The following LINGO1 variants were observed in gnomAD, a reference collection of about 807,000 sequenced individuals.
LINGO1 encodes the protein leucine-rich repeat and immunoglobulin-like domain-containing nogo receptor-interacting protein 1.
In LINGO1, 11 loss-of-function variants were observed where a neutral mutation model predicts 37.3. That is an observed-to-expected ratio of 0.29 (90% CI 0.19 to 0.49). The LOEUF is 0.49. LINGO1 is among the 20% of genes least tolerant of loss of function. LINGO1 has a pLI of 0.99. For synonymous variants in LINGO1, 387 were observed against 403.0 expected (o/e 0.96, Z 0.48); for missense variants, 585 against 878.2 (o/e 0.67, Z 4.22).
chr15:77,715,250 G>C (rs1046651167), intron 2 of LINGO1, among the ~76,000 whole-genome samples: 3 of 152,226 alleles, frequency 2.0e-5, no homozygotes, highest in South Asian at 4.1e-4. Flanking sequence ...AGCCCTATCA[G>C]CGTGGGCCCA....
At chr15:77,728,436 C>T (rs2076124094) in intron 2 of LINGO1, among the ~76,000 whole-genome samples, 2 of 152,204 alleles carry the variant, frequency 1.3e-5, no homozygotes, top group Admixed American at 1.3e-4. Flanking sequence ...GGAGTGGGTG[C>T]CACACACAGG....
intron 1 of LINGO1, among the ~76,000 whole-genome samples, chr15:77,764,187 G>A (rs1383028800): frequency 3.3e-5 from 5 of 152,192 alleles, no homozygotes. Context: ...CCCACCATAT[G>A]TGCACCTGGG....
chr15:77,615,998 C>T, intron 1 of LINGO1, 98 bp from the exon 2 acceptor site: 3 of 842,604 alleles, frequency 3.6e-6, no homozygotes, highest in Non-Finnish European at 5.2e-6. Context: ...TGCCCTGTCA[C>T]GATGACCCTG....
intron 3 of LINGO1, among the ~76,000 whole-genome samples, chr15:77,665,673 G>A (rs903977318): frequency 4.6e-5 from 7 of 152,236 alleles, no homozygotes; most frequent in South Asian, 2.1e-4. Context: ...AATTCCACCC[G>A]CCTGCAGACG....
At chr15:77,674,464 C>T (rs966242788) in intron 3 of LINGO1, among the ~76,000 whole-genome samples, 3 of 152,320 alleles carry the variant, frequency 2.0e-5, no homozygotes, top group East Asian at 3.9e-4. Context: ...GTCCTCCAGG[C>T]GGCCTGCAGG....
At chr15:77,785,458 GC>G (rs1171695847) in intron 1 of LINGO1, among the ~76,000 whole-genome samples, 1 of 152,110 alleles carries the variant, frequency 6.6e-6, no homozygotes, top group Non-Finnish European at 1.5e-5. Flanking sequence ...GCTAAATCCT[GC>G]CCCTCCCTGC....
intron 2 of LINGO1, among the ~76,000 whole-genome samples, chr15:77,720,393 C>T (rs1448606612): frequency 1.3e-5 from 2 of 152,252 alleles, no homozygotes; most frequent in African/African-American, 4.8e-5. Flanking sequence ...CATCCGCCCC[C>T]ACGTGTGTGA....
upstream of LINGO1, among the ~76,000 whole-genome samples, chr15:77,633,131 G>A (rs906934172): frequency 2.0e-5 from 3 of 151,818 alleles, no homozygotes; most frequent in African/African-American, 7.3e-5. Flanking sequence ...GGGTGCGCAG[G>A]CGAGGGGCGC....
chr15:77,782,216 C>T (rs1265929102), intron 1 of LINGO1, among the ~76,000 whole-genome samples: 4 of 19,722 alleles, frequency 2.0e-4, no homozygotes, highest in South Asian at 1.7e-3. Flanking sequence ...CACGCGTACA[C>T]ACACACACAC....
rs1340340900 is a variant in LINGO1 at position 77,619,500 on chromosome 15, C to T, written c.7-3600G>A. Among the ~76,000 whole-genome samples the T allele has an allele frequency of 3.2e-4, 48 of 151,996 alleles. 1 individual carries two copies. The highest frequency in any genetic ancestry group is 4.4e-5 in the Non-Finnish European group (3 of 68,010). On this transcript the variant is annotated intron_variant, in intron 1 of 1. Transcript: ENST00000355300. ...AGGAGCTCAAGACAAGGCTGGGCAA[C>T]ATAGTGAGATGCCCATCTCCCACAG...
At chr15:77,779,555 A>G (rs2076694472) in intron 1 of LINGO1, among the ~76,000 whole-genome samples, 1 of 152,038 alleles carries the variant, frequency 6.6e-6, no homozygotes, top group African/African-American at 2.4e-5. Flanking sequence ...GATTCTCCTA[A>G]GGAGAGTGCT....
At chr15:77,661,762 A>G (rs1257970767) in intron 3 of LINGO1, among the ~76,000 whole-genome samples, 3 of 152,158 alleles carry the variant, frequency 2.0e-5, no homozygotes, top group East Asian at 3.9e-4. Context: ...GCGGGGCCTG[A>G]GCAAACAGAG....
At chr15:77,740,739 C>T (rs1412812259) in intron 1 of LINGO1, among the ~76,000 whole-genome samples, 1 of 152,144 alleles carries the variant, frequency 6.6e-6, no homozygotes, top group Non-Finnish European at 1.5e-5. Context: ...GTGGGGAGTC[C>T]AGGGCAACAG....
intron 2 of LINGO1, among the ~76,000 whole-genome samples, chr15:77,720,383 C>T (rs2076036861): frequency 6.6e-6 from 1 of 152,260 alleles, no homozygotes; most frequent in South Asian, 2.1e-4. Flanking sequence ...CCTCTGCCTG[C>T]ATCCGCCCCC....
At chr15:77,770,001 C>A (rs1416922635) in intron 1 of LINGO1, among the ~76,000 whole-genome samples, 1 of 152,166 alleles carries the variant, frequency 6.6e-6, no homozygotes, top group Non-Finnish European at 1.5e-5. Flanking sequence ...GCCAAATATG[C>A]TGTCCTGGGG....
chr15:77,701,821 G>A (rs1200651802), intron 2 of LINGO1, among the ~76,000 whole-genome samples: 1 of 152,160 alleles, frequency 6.6e-6, no homozygotes, highest in Non-Finnish European at 1.5e-5. Context: ...CCAGCACCAT[G>A]CTTGTACGGC....
chr15:77,816,132 TC>T (rs2077046121), intron 1 of LINGO1, among the ~76,000 whole-genome samples: 1 of 152,044 alleles, frequency 6.6e-6, no homozygotes, highest in Non-Finnish European at 1.5e-5. Flanking sequence ...CCCTTGCCAC[TC>T]CCCCACTGAG....
At chr15:77,750,533 G>A (rs998260368) in intron 1 of LINGO1, among the ~76,000 whole-genome samples, 30 of 152,082 alleles carry the variant, frequency 2.0e-4, no homozygotes, top group Admixed American at 1.5e-3. Flanking sequence ...TGGGAGTTCC[G>A]GTGCGTGCCT....
At chr15:77,678,072 C>A (rs1397784639) in intron 2 of LINGO1, among the ~76,000 whole-genome samples, 1 of 152,264 alleles carries the variant, frequency 6.6e-6, no homozygotes, top group African/African-American at 2.4e-5. Context: ...CCATAGGCCA[C>A]CCTGGAGGAA....
Sources: allele counts gnomAD v4.1 joint callset (sites outside exome capture counted in the v4.1 genomes callset), GRCh38; gene constraint gnomAD v4.1.1; transcripts MANE v1.5; gene names NCBI Gene and HGNC (gene_info 2026-07-23, HGNC 2026-07-21).